TNRC6A: variants seen among roughly 807,000 people sequenced by gnomAD.
TNRC6A encodes trinucleotide repeat containing adaptor 6A, also known as trinucleotide repeat-containing gene 6A protein.
A neutral mutation model predicts 221.2 loss-of-function variants in TNRC6A; 44 were observed. That is an observed-to-expected ratio of 0.20 (90% CI 0.16 to 0.26). TNRC6A has a LOEUF of 0.26. TNRC6A is among the 10% of genes least tolerant of loss of function. The pLI is 1.00. For synonymous variants in TNRC6A, 847 were observed against 838.5 expected (o/e 1.01, Z -0.18); for missense variants, 2,199 against 2,404.4 (o/e 0.91, Z 1.79).
intron 1 of TNRC6A, among the ~76,000 whole-genome samples, chr16:24,614,684 G>C (rs990988094): frequency 1.3e-5 from 2 of 152,196 alleles, no homozygotes; most frequent in African/African-American, 4.8e-5. Context: ...AATGCCTTCA[G>C]TGTTCTAGGC....
chr16:24,647,154 A>C (rs1902336818), intron 2 of TNRC6A, among the ~76,000 whole-genome samples: 1 of 151,898 alleles, frequency 6.6e-6, no homozygotes, highest in Non-Finnish European at 1.5e-5. Context: ...ATGATCTCAC[A>C]CTCCGGTGCT....
In TNRC6A at chr16:24,691,318, A is replaced by G. The variant is rs373096388; in HGVS notation, n.402+50309A>G. Among the ~76,000 whole-genome samples, 4 of 151,900 alleles carry G rather than the reference A, an allele frequency of 2.6e-5. No homozygotes were observed. In the East Asian group the frequency reaches 5.8e-4, roughly 22 times the overall value. ...CTGCAACCTCGAACTCCTGGCCTCA[A>G]GTGATCCTCCCACTTTGGCTTTTCA... is the stretch of plus-strand genomic sequence containing the variant. On this transcript the variant is annotated intron_variant and non_coding_transcript_variant, in intron 2 of 2. Coordinates refer to the TNRC6A transcript ENST00000566108.
chr16:24,633,645 G>A (rs1410951244), intron 1 of TNRC6A, among the ~76,000 whole-genome samples: 2 of 152,010 alleles, frequency 1.3e-5, no homozygotes, highest in African/African-American at 2.4e-5. Context: ...CACCCACCTC[G>A]GCTTCCCAAA....
Position 24,805,708 on chromosome 16 carries a change from A to T in TNRC6A, c.4226A>T (p.Gln1409Leu). 6.2e-7 allele frequency: 1 copy of T among 1,614,216 alleles called. No individual in the cohort carries two copies. The highest frequency in any genetic ancestry group is 8.5e-7 in the Non-Finnish European group (1 of 1,180,040). ...CTGAACCAGCTATCCCAGCTAAACC[A>T]GCTTTCTCAGATCTCCCAGTTACAG... ...AMLNQLSQLNQLSQISQLQRL... is the reference protein window; with the variant it reads ...AMLNQLSQLNLLSQISQLQRL... Residue 1409 changes from glutamine (Q) to leucine (L), a missense_variant, in exon 15 of 25, where the codon CAG becomes CTG. By Grantham distance (113) the Gln-to-Leu change is moderately radical (BLOSUM62 -2). This residue lies in a region of TNRC6A where 449 missense variants were observed against 579.7 expected (regional missense o/e 0.77). Coordinates refer to ENST00000395799, the MANE Select transcript of TNRC6A (RefSeq NM_014494.4).
At chr16:24,765,294 C>T (rs533829785) in intron 4 of TNRC6A, among the ~76,000 whole-genome samples, 2 of 152,140 alleles carry the variant, frequency 1.3e-5, no homozygotes, top group Non-Finnish European at 2.9e-5. Flanking sequence ...AAGCATGTAA[C>T]CTAATGATAC....
rs146486491 is a variant in TNRC6A, at chr16:24,678,950, G to A, written n.402+37941G>A. On this transcript the variant is annotated intron_variant and non_coding_transcript_variant, in intron 2 of 2. Transcript: ENST00000566108. ...CACTAGTGGTTCAGAGAGAGACTAA[G>A]TCAATCTAAAAGTACTAATATGAAA... Among the ~76,000 whole-genome samples, 283 of 151,536 alleles carry A rather than the reference G, an allele frequency of 1.9e-3. 3 individuals are homozygous for A. Among genetic ancestry groups the A allele is most frequent in the African/African-American group, 6.4e-3 (264 of 41,284 alleles).
In TNRC6A at chr16:24,823,518, C is replaced by T. The variant is rs1255649933; in HGVS notation, c.5600C>T (p.Thr1867Ile). Residue 1867 changes from threonine to isoleucine, a missense_variant, in exon 25 of 25, where the codon ACC becomes ATC. By Grantham distance (89) the Thr-to-Ile change is moderately conservative. Around this residue, in one of 8 missense-constraint regions of TNRC6A, gnomAD observed 20 missense variants for 25.6 expected, o/e 0.78. Transcript: ENST00000395799. The surrounding 1 kb of genome is among the most constrained non-coding windows in gnomAD (Gnocchi z 4.3). Reference sequence around the variant, plus strand: ...TTCTTTGCACAAAGCCAGTCTCTGACCCCTTCTCCCGGCTGGCAGTCTCTC... The same window carrying T: ...TTCTTTGCACAAAGCCAGTCTCTGATCCCTTCTCCCGGCTGGCAGTCTCTC... ...SRFFAQSQSL[T>I]PSPGWQSLGS... 1 of 1,614,072 alleles carries T rather than the reference C, an allele frequency of 6.2e-7. No homozygotes were observed. The highest frequency in any genetic ancestry group is 1.3e-5 in the African/African-American group (1 of 74,932).
intron 2 of TNRC6A, among the ~76,000 whole-genome samples, chr16:24,644,606 T>C (rs945229898): frequency 1.1e-4 from 17 of 152,052 alleles, no homozygotes; most frequent in African/African-American, 3.4e-4. Context: ...TTTGGTTTTT[T>C]TTTGTGGGTT....
intron 2 of TNRC6A, among the ~76,000 whole-genome samples, chr16:24,747,953 C>T (rs2057049036): frequency 6.6e-6 from 1 of 152,100 alleles, no homozygotes; most frequent in Non-Finnish European, 1.5e-5. Flanking sequence ...CAGAAAAGGA[C>T]ATGTCTGTAA....
chr16:24,702,107 C>CTTT (rs201421601), intron 2 of TNRC6A, among the ~76,000 whole-genome samples: 2 of 50,252 alleles, frequency 4.0e-5, no homozygotes, highest in African/African-American at 1.8e-4. Context: ...TTTCTTTTTT[C>CTTT]TTTTTTTTTT....
chr16:24,804,397 AC>A, intron 12 of TNRC6A, 78 bp downstream of exon 12: 1 of 1,483,632 alleles, frequency 6.7e-7, no homozygotes, highest in Admixed American at 2.4e-5. Context: ...ATATTTTAAA[AC>A]CTTTTATATA....
At chr16:24,766,493 C>G (rs1414913495) in intron 4 of TNRC6A, among the ~76,000 whole-genome samples, 1 of 152,108 alleles carries the variant, frequency 6.6e-6, no homozygotes, top group African/African-American at 2.4e-5. Flanking sequence ...CTTTTGCTTC[C>G]CATTAAAGTA....
intron 22 of TNRC6A, among the ~76,000 whole-genome samples, chr16:24,821,341 T>C (rs988739195): frequency 1.3e-5 from 2 of 152,126 alleles, no homozygotes; most frequent in African/African-American, 4.8e-5. Flanking sequence ...TGAGTGGAAT[T>C]AGGAAACCTG....
chr16:24,821,876 C>T, intron 22 of TNRC6A: 1 of 584,716 alleles, frequency 1.7e-6, no homozygotes, highest in Non-Finnish European at 3.1e-6. Context: ...CTCACTGTCG[C>T]CAGAGGCAGA....
intron 4 of TNRC6A, among the ~76,000 whole-genome samples, chr16:24,764,979 C>G (rs990918587): frequency 1.3e-5 from 2 of 152,040 alleles, no homozygotes; most frequent in Non-Finnish European, 2.9e-5. Context: ...AGAATTTGGT[C>G]CCTCTCTCAA....
intron 5 of TNRC6A, among the ~76,000 whole-genome samples, chr16:24,788,966 C>T (rs993524798): frequency 2.6e-5 from 4 of 152,040 alleles, no homozygotes; most frequent in Non-Finnish European, 5.9e-5. Flanking sequence ...TTTTATTTAC[C>T]GATATGTTAA....
At chr16:24,715,323 C>T (rs2056292262) in intron 2 of TNRC6A, among the ~76,000 whole-genome samples, 1 of 152,050 alleles carries the variant, frequency 6.6e-6, no homozygotes, top group African/African-American at 2.4e-5. Context: ...GATGCTCCTG[C>T]CTCAGCCTCC....
intron 4 of TNRC6A, among the ~76,000 whole-genome samples, chr16:24,767,964 A>G (rs2057508612): frequency 6.6e-6 from 1 of 152,212 alleles, no homozygotes; most frequent in African/African-American, 2.4e-5. Context: ...TTACTCAGAC[A>G]TGAGAACCCC....
chr16:24,816,738 A>G, intron 19 of TNRC6A, 78 bp from the exon 20 acceptor site: 1 of 1,518,466 alleles, frequency 6.6e-7, no homozygotes. Flanking sequence ...GGATTCAGGA[A>G]TAAAGGTTTT....
Sources: gnomAD v4.1 joint callset for allele counts (sites outside exome capture counted in the v4.1 genomes callset) on GRCh38, gnomAD v4.1.1 for gene constraint, gnomAD v4.1.1 regional missense constraint, Gnocchi (gnomAD v3.1) non-coding constraint, MANE v1.5 for transcripts, NCBI Gene and HGNC (gene_info 2026-07-23, HGNC 2026-07-21) for gene names.